EDARADD: variants seen among roughly 807,000 people sequenced by gnomAD.
EDARADD encodes the protein EDAR associated via death domain, also known as ectodysplasin-A receptor-associated adapter protein.
A neutral mutation model predicts 25.6 loss-of-function variants in EDARADD; 20 were observed. The observed-to-expected ratio is 0.78, with a 90% CI of 0.55 to 1.14. EDARADD has a LOEUF of 1.14. Ranked by LOEUF, EDARADD falls within the 50% of genes most tolerant of loss-of-function variation. EDARADD has a pLI of 0.00. For synonymous variants in EDARADD, 86 were observed against 94.4 expected, an observed-to-expected ratio of 0.91 and a Z score of 0.52; for missense variants, 225 against 270.1, an observed-to-expected ratio of 0.83 and a Z score of 1.17.
intron 5 of EDARADD, among the ~76,000 whole-genome samples, chr1:236,481,323 C>T (rs933819938): frequency 6.6e-6 from 1 of 152,098 alleles, no homozygotes; most frequent in Non-Finnish European, 1.5e-5. Flanking sequence ...CCTTTTACCC[C>T]GGAGAGAGTT....
chr1:236,364,577 A>G (rs1383020948), intron 3 of EDARADD, among the ~76,000 whole-genome samples: 1 of 152,232 alleles, frequency 6.6e-6, no homozygotes, highest in Non-Finnish European at 1.5e-5. Context: ...ATAGCTCAGC[A>G]ATGTTTTTAG....
chr1:236,450,634 C>T (rs1314818808), intron 4 of EDARADD, among the ~76,000 whole-genome samples: 4 of 149,852 alleles, frequency 2.7e-5, no homozygotes, highest in Non-Finnish European at 1.5e-5. Flanking sequence ...CTGCAACCTC[C>T]GTCTCCCAGG....
At chr1:236,422,937 T>C (rs1382407421) in intron 3 of EDARADD, among the ~76,000 whole-genome samples, 1 of 152,210 alleles carries the variant, frequency 6.6e-6, no homozygotes, top group Non-Finnish European at 1.5e-5. Context: ...AATGACAGCC[T>C]CTATTTCCAA....
chr1:236,433,316 G>T (rs544381087), intron 4 of EDARADD, among the ~76,000 whole-genome samples: 11 of 59,112 alleles, frequency 1.9e-4, no homozygotes, highest in South Asian at 1.7e-3. Context: ...CAGCACTTTG[G>T]GGGGGGCCGA....
chr1:236,444,511 T>C (rs1025464338), intron 4 of EDARADD, among the ~76,000 whole-genome samples: 3 of 152,164 alleles, frequency 2.0e-5, no homozygotes, highest in African/African-American at 7.2e-5. Context: ...AACCTCCGCC[T>C]GCAGGGTTCA....
At chr1:236,357,013 G>T (rs1056559509) in intron 3 of EDARADD, among the ~76,000 whole-genome samples, 1 of 152,108 alleles carries the variant, frequency 6.6e-6, no homozygotes, top group Non-Finnish European at 1.5e-5. Flanking sequence ...GAACCCAGGA[G>T]GGGGAGATGG....
chr1:236,394,318 A>C lies in EDARADD; in HGVS notation c.-127A>C. On this transcript the variant is annotated 5_prime_UTR_variant, in exon 1 of 6. Transcript: ENST00000334232. The stretch of plus-strand genomic sequence containing the variant: ...GAGGAAGTTTATCCTCCCACCTACA[A>C]ATTCCCCAGAGAGCTTTCATCTAGA... The C allele has an allele frequency of 9.4e-7, 1 of 1,064,438 alleles. No homozygotes were observed. Among genetic ancestry groups the C allele is most frequent in the Non-Finnish European group, 1.4e-6 (1 of 696,896 alleles). The allele number at this position is 1,064,438 out of a possible 1,614,324, so 65.9% of individuals were successfully genotyped here.
Position 236,483,825 on chromosome 1 carries a change from A to C in EDARADD, c.*1176A>C. 7.0e-7 allele frequency: 1 copy of C among 1,436,264 alleles called. No individual in the cohort carries two copies. Among genetic ancestry groups the C allele is most frequent in the Non-Finnish European group, 9.8e-7 (1 of 1,020,138 alleles). The allele number at this position is 1,436,264 out of a possible 1,614,324, so 89.0% of individuals were successfully genotyped here. On this transcript the variant is annotated 3_prime_UTR_variant, in exon 6 of 6. Transcript: ENST00000334232. ...GTTTGCTCCCAACATCCTGGAGAAT[A>C]AAGAAGGCCTGGAGCTGCTGAAGAC... is the stretch of plus-strand genomic sequence containing the variant.
intron 5 of EDARADD, among the ~76,000 whole-genome samples, chr1:236,480,374 C>T (rs1378660104): frequency 6.6e-6 from 1 of 151,936 alleles, no homozygotes; most frequent in East Asian, 1.9e-4. Context: ...ACCGTGATAA[C>T]AATGTTTATG....
chr1:236,405,796 T>TTC lies in EDARADD; in HGVS notation c.62-3419_62-3418insCT, dbSNP rs1355031415. ...TTCTTTCTTTCTTTCTTTCTTTTCTTTTTCTTTCTTTCTTTCCTTCCTTCC... is the reference window on the plus strand; with the variant it reads ...TTCTTTCTTTCTTTCTTTCTTTTCTTTCTTTCTTTCTTTCTTTCCTTCCTTCC... On this transcript the variant is annotated intron_variant, in intron 1 of 5. Coordinates refer to ENST00000334232, the MANE Select transcript of EDARADD (RefSeq NM_145861.4). Among the ~76,000 whole-genome samples, 246 of 110,452 alleles carry TTC rather than the reference T, an allele frequency of 2.2e-3. 3 individuals are homozygous for TTC. Among genetic ancestry groups the TTC allele is most frequent in the Middle Eastern group, 4.5e-3 (1 of 220 alleles). The allele number at this position is 110,452 out of a possible 152,430, so 72.5% of individuals were successfully genotyped here.
intron 3 of EDARADD, among the ~76,000 whole-genome samples, chr1:236,419,085 G>A (rs1657715151): frequency 1.3e-5 from 2 of 152,172 alleles, no homozygotes; most frequent in South Asian, 4.1e-4. Flanking sequence ...GACCATGGGA[G>A]CATTTGGAAA....
intron 4 of EDARADD, among the ~76,000 whole-genome samples, chr1:236,467,312 G>A (rs1271821643): frequency 1.3e-5 from 2 of 151,752 alleles, no homozygotes; most frequent in African/African-American, 4.8e-5. Context: ...GGTGGGGTGG[G>A]GGGTGACATT....
intron 4 of EDARADD, among the ~76,000 whole-genome samples, chr1:236,446,842 G>GT (rs1010583635): frequency 6.6e-6 from 1 of 152,216 alleles, no homozygotes; most frequent in Non-Finnish European, 1.5e-5. Flanking sequence ...TCCTGGTCCT[G>GT]TTTGGTCCTC....
chr1:236,400,540 A>G (rs373245139), intron 1 of EDARADD, among the ~76,000 whole-genome samples: 1 of 151,916 alleles, frequency 6.6e-6, no homozygotes. Flanking sequence ...GGAATCCTGA[A>G]TATGTCTCAG....
chr1:236,437,869 C>A (rs895289541), intron 4 of EDARADD, among the ~76,000 whole-genome samples: 4 of 151,464 alleles, frequency 2.6e-5, no homozygotes, highest in Non-Finnish European at 5.9e-5. Context: ...CCGCCTCAGC[C>A]TTCTGAGCAG....
At chr1:236,446,538 C>CA (rs1658542359) in intron 4 of EDARADD, among the ~76,000 whole-genome samples, 1 of 134,758 alleles carries the variant, frequency 7.4e-6, no homozygotes, top group Non-Finnish European at 1.6e-5. Context: ...GGTGACAGAG[C>CA]AACACTCCAT....
chr1:236,455,826 G>T (rs1416349898), intron 4 of EDARADD, among the ~76,000 whole-genome samples: 1 of 152,196 alleles, frequency 6.6e-6, no homozygotes, highest in Non-Finnish European at 1.5e-5. Context: ...GTCTCGCTCT[G>T]TCACCCAGGC....
intron 4 of EDARADD, among the ~76,000 whole-genome samples, chr1:236,443,920 T>C (rs1558126323): frequency 6.6e-6 from 1 of 152,162 alleles, no homozygotes; most frequent in Non-Finnish European, 1.5e-5. Flanking sequence ...TTTTGTGAAA[T>C]GAAGAGTCCA....
At chr1:236,366,919 A>C (rs1283494764) in intron 3 of EDARADD, among the ~76,000 whole-genome samples, 1 of 151,870 alleles carries the variant, frequency 6.6e-6, no homozygotes. Flanking sequence ...ACTACTAAAA[A>C]TACAAAAATT....
Sources: allele counts gnomAD v4.1 joint callset (sites outside exome capture counted in the v4.1 genomes callset), GRCh38; gene constraint gnomAD v4.1.1; transcripts MANE v1.5; gene names NCBI Gene and HGNC (gene_info 2026-07-23, HGNC 2026-07-21).